CTNNA2: variants seen among roughly 807,000 people sequenced by gnomAD.
The protein encoded by CTNNA2 is catenin alpha-2.
Under a neutral mutation model 101.0 loss-of-function variants are expected in CTNNA2, and 42 were observed. The observed-to-expected ratio is 0.42, with a 90% confidence interval of 0.32 to 0.54. The LOEUF is 0.54. Among genes scored for constraint, CTNNA2 ranks in the 20% least tolerant of loss-of-function variants. CTNNA2 has a pLI of 0.14. For synonymous variants in CTNNA2, 450 were observed against 456.4 expected, an observed-to-expected ratio of 0.99 and a Z score of 0.18; for missense variants, 871 against 1,223.1, an observed-to-expected ratio of 0.71 and a Z score of 4.29.
At chr2:80,027,834 G>T (rs538468221) in intron 7 of CTNNA2, among the ~76,000 whole-genome samples, 1 of 151,504 alleles carries the variant, frequency 6.6e-6, no homozygotes, top group East Asian at 1.9e-4. Flanking sequence ...TTAGGTAGAC[G>T]TGGTCACATG....
chr2:79,791,939 G>A (rs1015283262), intron 3 of CTNNA2, among the ~76,000 whole-genome samples: 1 of 152,112 alleles, frequency 6.6e-6, no homozygotes, highest in African/African-American at 2.4e-5. Flanking sequence ...GTCACTCTAC[G>A]GAGAAGGACA....
intron 2 of CTNNA2, among the ~76,000 whole-genome samples, chr2:79,718,602 A>G (rs778408852): frequency 6.1e-4 from 93 of 152,204 alleles, no homozygotes; most frequent in Non-Finnish European, 1.2e-3. Context: ...TGAACAGAAG[A>G]CATATCTCTT....
rs148581766 is a variant in CTNNA2, at chr2:79,906,871, C to T, written c.853-2723C>T. On this transcript the variant is annotated intron_variant, in intron 6 of 18. Transcript: ENST00000402739. ...TTTCATATGATAATTTGCTGTAGGTCATGCGGTATTTCCAAAACATATTTG... is the reference window on the plus strand; with the variant it reads ...TTTCATATGATAATTTGCTGTAGGTTATGCGGTATTTCCAAAACATATTTG... Among the ~76,000 whole-genome samples the T allele has an allele frequency of 2.5e-4, 38 of 152,340 alleles. No individual in the cohort carries two copies. The East Asian group carries it at 7.1e-3, about 29-fold the overall frequency.
intron 7 of CTNNA2, among the ~76,000 whole-genome samples, chr2:80,122,565 G>C (rs1045166956): frequency 1.6e-4 from 25 of 152,036 alleles, no homozygotes; most frequent in South Asian, 6.2e-4. Context: ...TCTGTTTTAC[G>C]TATTGGTTTT....
At chr2:79,221,209 C>T (rs1186862800) in intron 2 of CTNNA2, among the ~76,000 whole-genome samples, 1 of 152,140 alleles carries the variant, frequency 6.6e-6, no homozygotes, top group African/African-American at 2.4e-5. Context: ...AATGCAGTGG[C>T]ACAAACACTG....
intron 3 of CTNNA2, among the ~76,000 whole-genome samples, chr2:79,817,316 CTTTTTTTTTTT>C (rs550422225): frequency 1.2e-4 from 9 of 73,894 alleles, no homozygotes; most frequent in South Asian, 4.9e-4. Flanking sequence ...TTCTCTCTCA[CTTTTTTTTTTT>C]TTTTTTTTTT....
intron 9 of CTNNA2, among the ~76,000 whole-genome samples, chr2:80,429,735 G>A (rs1260756366): frequency 2.6e-5 from 4 of 152,296 alleles, no homozygotes; most frequent in East Asian, 1.9e-4. Flanking sequence ...CTGCTTTCAG[G>A]TACTGATATT....
chr2:79,380,327 T>C (rs978772216), intron 4 of CTNNA2, among the ~76,000 whole-genome samples: 1 of 151,916 alleles, frequency 6.6e-6, no homozygotes. Context: ...GTTTCACCAT[T>C]ATAACCCTGA....
At chr2:80,174,244 G>C (rs1705255210) in intron 7 of CTNNA2, among the ~76,000 whole-genome samples, 1 of 152,126 alleles carries the variant, frequency 6.6e-6, no homozygotes, top group Admixed American at 6.5e-5. Flanking sequence ...TTTTCCAACT[G>C]TGTTGCCTCA....
At chr2:80,160,663 G>T (rs1365140955) in intron 7 of CTNNA2, among the ~76,000 whole-genome samples, 1 of 152,102 alleles carries the variant, frequency 6.6e-6, no homozygotes, top group Non-Finnish European at 1.5e-5. Flanking sequence ...TCCCTTATGA[G>T]TTCTAGGAGT....
At chr2:79,259,214 T>C (rs1674888998) in intron 2 of CTNNA2, among the ~76,000 whole-genome samples, 1 of 152,152 alleles carries the variant, frequency 6.6e-6, no homozygotes, top group Non-Finnish European at 1.5e-5. Flanking sequence ...GCTATATGCT[T>C]TCTGTGCTTA....
chr2:79,618,285 G>C (rs1361450176), intron 1 of CTNNA2, among the ~76,000 whole-genome samples: 1 of 152,098 alleles, frequency 6.6e-6, no homozygotes. Flanking sequence ...AGTGTACTTT[G>C]AATTGTTTTG....
At chr2:80,601,421 CTT>C (rs56921519) in intron 15 of CTNNA2, among the ~76,000 whole-genome samples, 8 of 84,374 alleles carry the variant, frequency 9.5e-5, no homozygotes, top group Non-Finnish European at 1.6e-4. Context: ...TTCTTTCTTT[CTT>C]TTTTTTTTTT....
intron 7 of CTNNA2, among the ~76,000 whole-genome samples, chr2:80,010,210 G>A (rs1304019339): frequency 6.6e-6 from 1 of 152,104 alleles, no homozygotes; most frequent in Non-Finnish European, 1.5e-5. Context: ...TCCCTAATTT[G>A]AGTGTCACTT....
chr2:80,493,419 T>C (rs758767155), intron 9 of CTNNA2, among the ~76,000 whole-genome samples: 1 of 152,186 alleles, frequency 6.6e-6, no homozygotes, highest in Admixed American at 6.5e-5. Flanking sequence ...AAGTTGGTGA[T>C]CTTTGAATAA....
chr2:79,468,626 GAAGTA>G (rs1670964719), intron 4 of CTNNA2, among the ~76,000 whole-genome samples: 1 of 152,130 alleles, frequency 6.6e-6, no homozygotes, highest in Non-Finnish European at 1.5e-5. Context: ...CACATAGTTG[GAAGTA>G]AAGCACTCCT....
chr2:80,516,144 A>G (rs1295232929), intron 9 of CTNNA2, among the ~76,000 whole-genome samples: 1 of 152,128 alleles, frequency 6.6e-6, no homozygotes, highest in Non-Finnish European at 1.5e-5. Flanking sequence ...TCTCTGGGGC[A>G]GGAAGGGGAT....
At chr2:79,211,711 A>G (rs1674176225) in intron 2 of CTNNA2, among the ~76,000 whole-genome samples, 2 of 152,236 alleles carry the variant, frequency 1.3e-5, no homozygotes, top group Admixed American at 1.3e-4. Flanking sequence ...GTGTACGTGC[A>G]GGTCACATGG....
chr2:79,682,128 G>T (rs1056629081), intron 2 of CTNNA2, among the ~76,000 whole-genome samples: 2 of 152,014 alleles, frequency 1.3e-5, no homozygotes, highest in African/African-American at 2.4e-5. Flanking sequence ...TCTGAATCTG[G>T]CCAGGCGCGG....
Sources: allele counts gnomAD v4.1 joint callset (sites outside exome capture counted in the v4.1 genomes callset), GRCh38; gene constraint gnomAD v4.1.1; transcripts MANE v1.5; gene names NCBI Gene and HGNC (gene_info 2026-07-23, HGNC 2026-07-21).